Variants in SGK1 observed in about 807,000 individuals in gnomAD.
SGK1 encodes serine/threonine-protein kinase Sgk1.
SGK1 carries 26 observed loss-of-function variants against 64.2 expected under a neutral mutation model. The observed-to-expected ratio is 0.40, with a 90% CI of 0.30 to 0.56. SGK1 has a LOEUF of 0.56. SGK1 is among the 20% of genes least tolerant of loss of function. The pLI is 0.38. For synonymous variants in SGK1, 265 were observed against 239.7 expected (o/e 1.11, Z -0.98); for missense variants, 519 against 645.6 (o/e 0.80, Z 2.12).
At chr6:134,252,704 G>A (rs1468863612) in intron 2 of SGK1, among the ~76,000 whole-genome samples, 2 of 145,884 alleles carry the variant, frequency 1.4e-5, no homozygotes, top group Non-Finnish European at 3.0e-5. Context: ...AGTTTATTTA[G>A]TCTGATCATT....
At chr6:134,210,882 T>C (rs1007050193) in intron 2 of SGK1, among the ~76,000 whole-genome samples, 2 of 150,756 alleles carry the variant, frequency 1.3e-5, no homozygotes, top group African/African-American at 4.9e-5. Flanking sequence ...TCCCACACTT[T>C]GGGAGACTGA....
chr6:134,266,282 G>A (rs1776853789), intron 1 of SGK1, among the ~76,000 whole-genome samples: 1 of 152,058 alleles, frequency 6.6e-6, no homozygotes, highest in Non-Finnish European at 1.5e-5. Context: ...ACTGCACCTG[G>A]CCTATATGTA....
chr6:134,218,301 T>C (rs1168578278), intron 2 of SGK1, among the ~76,000 whole-genome samples: 1 of 152,226 alleles, frequency 6.6e-6, no homozygotes, highest in Non-Finnish European at 1.5e-5. Flanking sequence ...TTGAAATTTA[T>C]TCAGTTATTC....
intron 1 of SGK1, among the ~76,000 whole-genome samples, chr6:134,315,003 G>C (rs1444445966): frequency 6.6e-6 from 1 of 152,142 alleles, no homozygotes; most frequent in Non-Finnish European, 1.5e-5. Flanking sequence ...AGTTTGGAAA[G>C]TATAAACATC....
At chr6:134,305,086 T>C (rs1582776302) in intron 1 of SGK1, among the ~76,000 whole-genome samples, 1 of 152,048 alleles carries the variant, frequency 6.6e-6, no homozygotes, top group East Asian at 1.9e-4. Context: ...CCAGGCACGG[T>C]TGCTCACACC....
chr6:134,262,161 A>G lies in SGK1; in HGVS notation c.70-13T>C. On this transcript the variant is annotated splice_polypyrimidine_tract_variant and intron_variant, in intron 1 of 13. Transcript: ENST00000367858. ...TCCACCTTCGTACCTGCAATGTGCAAAAGGAAAGAAAAAACAAATGTGTTT... is the reference window on the plus strand; with the variant it reads ...TCCACCTTCGTACCTGCAATGTGCAGAAGGAAAGAAAAAACAAATGTGTTT... The G allele has an allele frequency of 6.5e-7, 1 of 1,535,270 alleles. No individual in the cohort carries two copies.
chr6:134,171,213 G>A, intron 11 of SGK1, 35 bp from the exon 12 acceptor site: 1 of 1,603,904 alleles, frequency 6.2e-7, no homozygotes, highest in African/African-American at 1.3e-5. Context: ...AGACTTAATT[G>A]GAAGTTTCAT....
intron 3 of SGK1, among the ~76,000 whole-genome samples, chr6:134,189,927 G>A (rs1262612786): frequency 6.6e-6 from 1 of 152,144 alleles, no homozygotes; most frequent in African/African-American, 2.4e-5. Flanking sequence ...TCAGCTCACT[G>A]CAACCTCCGC....
chr6:134,262,717 C>T (rs1582749837), intron 1 of SGK1, among the ~76,000 whole-genome samples: 1 of 151,876 alleles, frequency 6.6e-6, no homozygotes. Flanking sequence ...AACAACACAA[C>T]AACAACAAAC....
At chr6:134,290,838 C>A (rs1777253659) in intron 1 of SGK1, among the ~76,000 whole-genome samples, 1 of 152,184 alleles carries the variant, frequency 6.6e-6, no homozygotes, top group African/African-American at 2.4e-5. Context: ...CCACCCAGGG[C>A]TTTACATGTG....
rs189391913 is a variant in SGK1, at chr6:134,287,339, T to G, written c.70-25191A>C. ...ATGTTGGCAAGTAGAAATGAATAAATATAATTTTTTTATGTTTGTTATTTT... is the reference window on the plus strand; with the variant it reads ...ATGTTGGCAAGTAGAAATGAATAAAGATAATTTTTTTATGTTTGTTATTTT... On this transcript the variant is annotated intron_variant, in intron 1 of 13. Transcript: ENST00000367858. Among the ~76,000 whole-genome samples, 734 of 152,212 alleles carry G rather than the reference T, an allele frequency of 4.8e-3. 10 individuals are homozygous for G. Among genetic ancestry groups the G allele is most frequent in the African/African-American group, 0.017 (701 of 41,558 alleles).
At chr6:134,219,022 G>A (rs1418174389) in intron 2 of SGK1, among the ~76,000 whole-genome samples, 5 of 151,676 alleles carry the variant, frequency 3.3e-5, no homozygotes, top group African/African-American at 9.7e-5. Context: ...TTGCTCTGTC[G>A]CCCAGGCTGG....
chr6:134,178,188 G>A (rs1054447588), intron 3 of SGK1, among the ~76,000 whole-genome samples: 1 of 152,172 alleles, frequency 6.6e-6, no homozygotes, highest in Non-Finnish European at 1.5e-5. Context: ...ATTTGTGGTT[G>A]GAAAAGAAAG....
chr6:134,242,004 G>A (rs1776455484), intron 2 of SGK1, among the ~76,000 whole-genome samples: 1 of 152,106 alleles, frequency 6.6e-6, no homozygotes, highest in Non-Finnish European at 1.5e-5. Flanking sequence ...ATGACCGAAT[G>A]GTGTTTACTG....
chr6:134,290,301 G>C (rs1166700147), intron 1 of SGK1, among the ~76,000 whole-genome samples: 2 of 150,654 alleles, frequency 1.3e-5, no homozygotes, highest in Non-Finnish European at 2.9e-5. Context: ...TCCAGCCTGA[G>C]TGACACAGCA....
At chr6:134,244,704 C>T (rs2114728748) in intron 2 of SGK1, among the ~76,000 whole-genome samples, 1 of 152,360 alleles carries the variant, frequency 6.6e-6, no homozygotes, top group East Asian at 1.9e-4. Context: ...ATGCAGAAAT[C>T]ACTCGCCTTC....
chr6:134,298,772 T>C (rs1283139781), intron 1 of SGK1: 1 of 427,772 alleles, frequency 2.3e-6, no homozygotes, highest in Non-Finnish European at 4.0e-6. Context: ...TGCTTCTTGA[T>C]AGCATTCAGC....
At chr6:134,204,252 A>T (rs1008264578) in intron 3 of SGK1, among the ~76,000 whole-genome samples, 57 of 151,034 alleles carry the variant, frequency 3.8e-4, no homozygotes, top group African/African-American at 1.4e-3. Context: ...AAATAAATAA[A>T]TAAATAAATA....
At chr6:134,174,850 G>A (rs1053439133) in intron 3 of SGK1, 1 of 1,612,846 alleles carries the variant, frequency 6.2e-7, no homozygotes, top group Admixed American at 1.7e-5. Context: ...CTCAAAGACC[G>A]GCTCGGCGTA....
Sources: allele counts gnomAD v4.1 joint callset (sites outside exome capture counted in the v4.1 genomes callset), GRCh38; gene constraint gnomAD v4.1.1; transcripts MANE v1.5; gene names NCBI Gene and HGNC (gene_info 2026-07-23, HGNC 2026-07-21).